The following ACER2 variants were observed in gnomAD, a reference collection of about 807,000 sequenced individuals.
ACER2 encodes the protein alkaline ceramidase 2, also known as alkCDase 2.
In ACER2, 26 loss-of-function variants were observed where a neutral mutation model predicts 34.7. That is an observed-to-expected ratio of 0.75 (90% CI 0.55 to 1.04). The LOEUF is 1.04. Ranked by LOEUF, ACER2 falls within the 50% of genes least tolerant of loss-of-function variation. ACER2 has a pLI of 0.00. For missense variants in ACER2, 352 were observed against 340.8 expected, an observed-to-expected ratio of 1.03 and a Z score of -0.26; for synonymous variants, 138 against 132.1, an observed-to-expected ratio of 1.04 and a Z score of -0.31.
At chr9:19,447,581 G>A (rs1424163162) in intron 5 of ACER2, among the ~76,000 whole-genome samples, 3 of 152,124 alleles carry the variant, frequency 2.0e-5, no homozygotes, top group Middle Eastern at 3.2e-3. Flanking sequence ...ATAACAAAAT[G>A]TACAGATTTT....
At chr9:19,412,682 T>A (rs1050684090) in intron 1 of ACER2, among the ~76,000 whole-genome samples, 1 of 150,458 alleles carries the variant, frequency 6.6e-6, no homozygotes, top group Admixed American at 6.7e-5. Flanking sequence ...AAAACCAGCA[T>A]GTATGGCGTA....
intron 4 of ACER2, among the ~76,000 whole-genome samples, chr9:19,442,181 T>A (rs1831177338): frequency 6.6e-6 from 1 of 152,128 alleles, no homozygotes; most frequent in Non-Finnish European, 1.5e-5. Flanking sequence ...CATTGATATT[T>A]AAAAAAATAC....
In ACER2 at chr9:19,415,086, C is replaced by A. The variant is rs141164817; in HGVS notation, c.108+5894C>A. Among the ~76,000 whole-genome samples, 653 of 152,186 alleles carry A rather than the reference C, an allele frequency of 4.3e-3. 4 individuals are homozygous for A. Among genetic ancestry groups the A allele is most frequent in the African/African-American group, 0.015 (628 of 41,522 alleles). On this transcript the variant is annotated intron_variant, in intron 1 of 5. Transcript: ENST00000340967. The stretch of plus-strand genomic sequence containing the variant: ...ACGTCTTTAAAAGGTACAGTGGGGG[C>A]CAGCCAGCCTTGGTAGATGGGCTAG...
intron 1 of ACER2, among the ~76,000 whole-genome samples, chr9:19,416,608 C>A (rs1197007336): frequency 6.6e-6 from 1 of 150,740 alleles, no homozygotes; most frequent in Non-Finnish European, 1.5e-5. Context: ...TTACTGCAAC[C>A]TCCGCCTCCC....
At position 19,433,805 on chromosome 9, in the gene ACER2, C is replaced by T. The variant is rs574531669; in HGVS notation, c.366-1142C>T. ...GGGGCTGACCCCCCCACCTCCTTCC[C>T]GGACGGGGCGGCTGGCCGGGCAGAG... is the stretch of plus-strand genomic sequence containing the variant. On this transcript the variant is annotated intron_variant, in intron 3 of 5. Coordinates refer to ENST00000340967, the MANE Select transcript of ACER2 (RefSeq NM_001010887.3). Among the ~76,000 whole-genome samples the T allele has an allele frequency of 5.3e-3, 805 of 151,336 alleles. 8 individuals carry two copies. Among genetic ancestry groups the T allele is most frequent in the African/African-American group, 0.019 (768 of 41,240 alleles).
At chr9:19,417,758 G>C (rs1429202956) in intron 1 of ACER2, among the ~76,000 whole-genome samples, 1 of 152,158 alleles carries the variant, frequency 6.6e-6, no homozygotes, top group Non-Finnish European at 1.5e-5. Flanking sequence ...GAAAACCCTA[G>C]AAGGAAACCT....
intron 3 of ACER2, among the ~76,000 whole-genome samples, chr9:19,427,445 C>G (rs1193434361): frequency 6.6e-6 from 1 of 152,172 alleles, no homozygotes; most frequent in East Asian, 1.9e-4. Flanking sequence ...AGCCCCTTTG[C>G]TTGTACTTCA....
intron 1 of ACER2, among the ~76,000 whole-genome samples, chr9:19,421,299 T>C (rs942272597): frequency 6.6e-6 from 1 of 152,206 alleles, no homozygotes. Context: ...AACATATGAA[T>C]TTTGTGTGTG....
chr9:19,428,776 GTTTTTTTTTTTTTT>G (rs10569579), intron 3 of ACER2, among the ~76,000 whole-genome samples: 109 of 77,898 alleles, frequency 1.4e-3, no homozygotes, highest in African/African-American at 6.0e-3. Context: ...GGACAAGTGG[GTTTTTTTTTTTTTT>G]TTTTTTTTTT....
Position 19,445,159 on chromosome 9 carries a change from G to A in ACER2, c.504-1122G>A, listed in dbSNP as rs112609409. Among the ~76,000 whole-genome samples, 714 of 152,328 alleles carry A rather than the reference G, an allele frequency of 4.7e-3. 6 individuals carry two copies. Among genetic ancestry groups the A allele is most frequent in the African/African-American group, 0.016 (678 of 41,578 alleles). On this transcript the variant is annotated intron_variant, in intron 4 of 5. Transcript: ENST00000340967. ...GACGCTCAGCCACCAGCTGCCCCCA[G>A]GTGTTCGTCCCCAGGGGTAGAACTC...
At chr9:19,414,779 G>C (rs952069805) in intron 1 of ACER2, among the ~76,000 whole-genome samples, 3 of 151,634 alleles carry the variant, frequency 2.0e-5, no homozygotes, top group East Asian at 3.9e-4. Context: ...TTGAGAGGCG[G>C]AGCATGCAGT....
intron 5 of ACER2, chr9:19,446,631 G>A: frequency 3.0e-6 from 3 of 985,406 alleles, no homozygotes; most frequent in Non-Finnish European, 3.6e-6. Context: ...CGGAACGAAA[G>A]GCCTGATTGT....
intron 4 of ACER2, among the ~76,000 whole-genome samples, chr9:19,444,275 G>T (rs1239906948): frequency 2.7e-5 from 4 of 149,544 alleles, no homozygotes; most frequent in Non-Finnish European, 5.9e-5. Flanking sequence ...GCAGTGGCGC[G>T]ATCTCGGCTC....
At chr9:19,425,191 A>G (rs913086716) in intron 3 of ACER2, among the ~76,000 whole-genome samples, 1 of 152,184 alleles carries the variant, frequency 6.6e-6, no homozygotes. Flanking sequence ...CATTTCCTTG[A>G]GACTAATCCA....
At chr9:19,412,691 T>TA (rs1389193047) in intron 1 of ACER2, among the ~76,000 whole-genome samples, 2 of 151,426 alleles carry the variant, frequency 1.3e-5, no homozygotes, top group Non-Finnish European at 2.9e-5. Flanking sequence ...ATGTATGGCG[T>TA]AATCACGAAT....
chr9:19,410,792 T>C (rs1335090556), intron 1 of ACER2, among the ~76,000 whole-genome samples: 1 of 152,208 alleles, frequency 6.6e-6, no homozygotes, highest in African/African-American at 2.4e-5. Flanking sequence ...CAGAGCATGC[T>C]GTCAGGGGTA....
In ACER2 at chr9:19,451,953, C is replaced by T. The variant is rs17565631; in HGVS notation, c.*1317C>T. 67,761 of 151,994 alleles carry T rather than the reference C, an allele frequency of 0.45. 16,698 individuals carry two copies. Among genetic ancestry groups the T allele is most frequent in the Non-Finnish European group, 0.56 (38,069 of 67,750 alleles). 9.4% of individuals were successfully genotyped at this position (151,994 alleles called of 1,614,324 possible). On this transcript the variant is annotated 3_prime_UTR_variant, in exon 6 of 6. Coordinates refer to ENST00000340967, the MANE Select transcript of ACER2 (RefSeq NM_001010887.3). The stretch of plus-strand genomic sequence containing the variant: ...AGAGTATCCAACGGCTCACCTTTCT[C>T]AAGTGCTGGCAGTAGCTATGCACTC...
At chr9:19,438,486 G>T (rs757663463) in intron 4 of ACER2, among the ~76,000 whole-genome samples, 34 of 152,142 alleles carry the variant, frequency 2.2e-4, no homozygotes, top group Non-Finnish European at 4.0e-4. Context: ...CTGGCTCCTG[G>T]GCCTTTGGCT....
At position 19,409,148 on chromosome 9, in the gene ACER2, G is replaced by T; in HGVS notation, c.64G>T (p.Asp22Tyr). Reference sequence around the variant, plus strand: ...TAGCTCGGAGGTGGACTGGTGCGAGGACAACTACACCATCGTGCCTGCTAT... The same window carrying T: ...TAGCTCGGAGGTGGACTGGTGCGAGTACAACTACACCATCGTGCCTGCTAT... ...AGSSEVDWCEDNYTIVPAIAE... is the reference protein window; with the variant it reads ...AGSSEVDWCEYNYTIVPAIAE... Residue 22 changes from aspartate (D) to tyrosine (Y), a missense_variant, in exon 1 of 6, where the codon GAC becomes TAC. Asp to Tyr is a radical substitution (Grantham distance 160). Coordinates refer to ENST00000340967, the MANE Select transcript of ACER2 (RefSeq NM_001010887.3). 3 of 1,607,252 alleles carry T rather than the reference G, an allele frequency of 1.9e-6. No homozygotes were observed. The highest frequency in any genetic ancestry group is 1.7e-6 in the Non-Finnish European group (2 of 1,177,348).
Sources: gnomAD v4.1 joint callset for allele counts (sites outside exome capture counted in the v4.1 genomes callset) on GRCh38, gnomAD v4.1.1 for gene constraint, MANE v1.5 for transcripts, NCBI Gene and HGNC (gene_info 2026-07-23, HGNC 2026-07-21) for gene names.